Variants in AKAP7 observed in about 807,000 individuals in gnomAD.
The protein encoded by AKAP7 is A kinase (PRKA) anchor protein 7.
A neutral mutation model predicts 39.5 loss-of-function variants in AKAP7; 39 were observed. The observed-to-expected ratio is 0.99, with a 90% CI of 0.76 to 1.29. The LOEUF (loss-of-function observed/expected upper bound fraction) is 1.29. Among genes scored for constraint, AKAP7 ranks in the 50% most tolerant of loss-of-function variants. The pLI is 0.00. For synonymous variants in AKAP7, 140 were observed against 139.1 expected (o/e 1.01, Z -0.05); for missense variants, 414 against 407.7 (o/e 1.02, Z -0.13).
intron 7 of AKAP7, among the ~76,000 whole-genome samples, chr6:131,241,007 G>A (rs903078145): frequency 2.0e-5 from 3 of 152,172 alleles, no homozygotes; most frequent in South Asian, 2.1e-4. Flanking sequence ...CGTCTTCTGC[G>A]TCGCTCACGC....
At chr6:131,147,952 G>A (rs2128228702) in intron 2 of AKAP7, among the ~76,000 whole-genome samples, 1 of 152,352 alleles carries the variant, frequency 6.6e-6, no homozygotes, top group Non-Finnish European at 1.5e-5. Context: ...AGAGCAAATA[G>A]TGTTTCTGTA....
chr6:131,178,991 C>T (rs1403307660), intron 5 of AKAP7, among the ~76,000 whole-genome samples: 2 of 152,008 alleles, frequency 1.3e-5, no homozygotes, highest in Non-Finnish European at 2.9e-5. Context: ...TCTGAAAATG[C>T]CTGAGTGTTC....
chr6:131,269,885 C>T (rs572067800), intron 7 of AKAP7, among the ~76,000 whole-genome samples: 31 of 152,242 alleles, frequency 2.0e-4, no homozygotes, highest in African/African-American at 7.0e-4. Flanking sequence ...AATCTGAGGC[C>T]TGCAGCTGTG....
chr6:131,237,625 T>G (rs1811179875), intron 7 of AKAP7, among the ~76,000 whole-genome samples: 1 of 152,188 alleles, frequency 6.6e-6, no homozygotes, highest in Non-Finnish European at 1.5e-5. Flanking sequence ...TCTTCCTGGT[T>G]TAGTCTTGGG....
At chr6:131,239,089 T>G (rs560143079) in intron 7 of AKAP7, among the ~76,000 whole-genome samples, 186 of 152,300 alleles carry the variant, frequency 1.2e-3, no homozygotes, top group African/African-American at 4.4e-3. Flanking sequence ...AGGAGCTCTT[T>G]TAGGGCAGGC....
chr6:131,195,327 A>G (rs998583954), intron 5 of AKAP7, among the ~76,000 whole-genome samples: 2 of 151,916 alleles, frequency 1.3e-5, no homozygotes, highest in African/African-American at 4.8e-5. Flanking sequence ...AAAACTTTAC[A>G]CCTTAACTTT....
intron 6 of AKAP7, chr6:131,200,050 G>T (rs188530460): frequency 2.8e-4 from 50 of 178,114 alleles, no homozygotes; most frequent in Admixed American, 1.2e-3. Context: ...CTCAATTAAG[G>T]CCTTGGAACC....
chr6:131,246,115 A>ATG (rs1394274342), intron 7 of AKAP7, among the ~76,000 whole-genome samples: 1 of 150,222 alleles, frequency 6.7e-6, no homozygotes, highest in Non-Finnish European at 1.5e-5. Context: ...ATATATATAT[A>ATG]TATGTTCAGT....
At chr6:131,230,084 C>G (rs576294550) in intron 7 of AKAP7, among the ~76,000 whole-genome samples, 3 of 152,224 alleles carry the variant, frequency 2.0e-5, no homozygotes, top group African/African-American at 7.2e-5. Flanking sequence ...TTAGGTAGAA[C>G]AATTTATTTT....
intron 7 of AKAP7, among the ~76,000 whole-genome samples, chr6:131,234,488 TGAAA>T (rs1406358321): frequency 6.6e-6 from 1 of 151,930 alleles, no homozygotes; most frequent in Non-Finnish European, 1.5e-5. Context: ...GGGAGGCAAA[TGAAA>T]GAGAGATTTT....
intron 7 of AKAP7, among the ~76,000 whole-genome samples, chr6:131,251,757 G>T (rs1484197416): frequency 6.6e-6 from 1 of 152,252 alleles, no homozygotes; most frequent in Non-Finnish European, 1.5e-5. Flanking sequence ...ACTGTAAAGT[G>T]TGTGACAGTC....
At chr6:131,253,804 AT>A (rs1335083490) in intron 7 of AKAP7, among the ~76,000 whole-genome samples, 1 of 151,934 alleles carries the variant, frequency 6.6e-6, no homozygotes, top group Non-Finnish European at 1.5e-5. Flanking sequence ...AAATGACAGG[AT>A]TTTATTCTTT....
intron 7 of AKAP7, among the ~76,000 whole-genome samples, chr6:131,274,126 T>G (rs751840683): frequency 1.1e-4 from 17 of 152,150 alleles, no homozygotes; most frequent in Non-Finnish European, 2.2e-4. Flanking sequence ...CTGTATATAA[T>G]GCGTCTTTTT....
Position 131,135,673 on chromosome 6 carries a change from C to T in AKAP7, c.-91C>T. On this transcript the variant is annotated 5_prime_UTR_variant, in exon 1 of 8. Coordinates refer to ENST00000431975, the MANE Select transcript of AKAP7 (RefSeq NM_016377.4). ...CCTCAGGCCCCGAGCCCCGCCCTGGCCTCCGCCTCGGCCTCGCCTCCAGCC... is the reference window on the plus strand; with the variant it reads ...CCTCAGGCCCCGAGCCCCGCCCTGGTCTCCGCCTCGGCCTCGCCTCCAGCC... The T allele has an allele frequency of 9.3e-7, 1 of 1,074,922 alleles. No homozygotes were observed. The highest frequency in any genetic ancestry group is 1.1e-6 in the Non-Finnish European group (1 of 885,252). 66.6% of individuals were successfully genotyped at this position (1,074,922 alleles called of 1,614,324 possible).
intron 3 of AKAP7, chr6:131,164,556 T>C (rs1018965443): frequency 6.5e-5 from 24 of 371,818 alleles, no homozygotes; most frequent in African/African-American, 4.9e-4. Flanking sequence ...ACAGTAGTCA[T>C]TTCTACTGAA....
At chr6:131,146,162 A>G (rs1206487327) in intron 2 of AKAP7, among the ~76,000 whole-genome samples, 1 of 152,206 alleles carries the variant, frequency 6.6e-6, no homozygotes, top group Non-Finnish European at 1.5e-5. Context: ...CACTGCCCCA[A>G]AGGAGCTCAA....
rs1228757342 is a variant in AKAP7 at position 131,241,623 on chromosome 6, G to GTATACGTATATA, written c.850+21816_850+21817insATACGTATATAT. The stretch of plus-strand genomic sequence containing the variant: ...TGTGTGTGTGTGTGTGTGTGTGTGT[G>GTATACGTATATA]TGTGTATATATATATGACAGTTATA... On this transcript the variant is annotated intron_variant, in intron 7 of 7. Coordinates refer to ENST00000431975, the MANE Select transcript of AKAP7 (RefSeq NM_016377.4). Among the ~76,000 whole-genome samples, 94 of 68,568 alleles carry GTATACGTATATA rather than the reference G, an allele frequency of 1.4e-3. 5 individuals carry two copies. The highest frequency in any genetic ancestry group is 5.0e-3 in the African/African-American group (84 of 16,942). The allele number at this position is 68,568 out of a possible 152,430, so 45.0% of individuals were successfully genotyped here. A position where few individuals can be genotyped will look rare whatever the true frequency, so the allele number is the denominator to read the frequency against.
At chr6:131,259,534 G>C (rs997799353) in intron 7 of AKAP7, among the ~76,000 whole-genome samples, 3 of 152,188 alleles carry the variant, frequency 2.0e-5, no homozygotes, top group Non-Finnish European at 4.4e-5. Flanking sequence ...TTAGGACAGT[G>C]AGTGTTAGTT....
chr6:131,245,236 T>C (rs913816834), intron 7 of AKAP7, among the ~76,000 whole-genome samples: 3 of 151,300 alleles, frequency 2.0e-5, no homozygotes, highest in African/African-American at 7.3e-5. Flanking sequence ...TTATTGAGAG[T>C]TGAATTCTTT....
Sources: allele counts gnomAD v4.1 joint callset (sites outside exome capture counted in the v4.1 genomes callset), GRCh38; gene constraint gnomAD v4.1.1; transcripts MANE v1.5; gene names NCBI Gene and HGNC (gene_info 2026-07-23, HGNC 2026-07-21).